The following FAF1 variants were observed in gnomAD, a reference collection of about 807,000 sequenced individuals.
FAF1 encodes Fas associated factor 1.
FAF1 carries 25 observed loss-of-function variants against 92.5 expected under a neutral mutation model. The observed-to-expected ratio is 0.27, with a 90% confidence interval of 0.20 to 0.38. The LOEUF (loss-of-function observed/expected upper bound fraction) is 0.38. Among genes scored for constraint, FAF1 ranks in the 10% least tolerant of loss-of-function variants. The pLI, the probability that FAF1 is intolerant of heterozygous loss-of-function variation, is 1.00. For synonymous variants in FAF1, 234 were observed against 273.2 expected, an observed-to-expected ratio of 0.86 and a Z score of 1.42; for missense variants, 636 against 793.3, an observed-to-expected ratio of 0.80 and a Z score of 2.38.
intron 12 of FAF1, among the ~76,000 whole-genome samples, chr1:50,568,192 C>T (rs1410166324): frequency 6.6e-6 from 1 of 151,956 alleles, no homozygotes; most frequent in East Asian, 1.9e-4. Context: ...CTCACAATTA[C>T]CAGGGAAAGG....
At chr1:50,786,928 T>A (rs1039752076) in intron 4 of FAF1, among the ~76,000 whole-genome samples, 16 of 152,230 alleles carry the variant, frequency 1.1e-4, no homozygotes, top group Non-Finnish European at 1.3e-4. Flanking sequence ...GGGAATGAAC[T>A]GTTAAGAGTT....
intron 2 of FAF1, among the ~76,000 whole-genome samples, chr1:50,850,797 A>T (rs887238235): frequency 2.6e-5 from 4 of 152,110 alleles, no homozygotes; most frequent in South Asian, 4.1e-4. Context: ...GCAAATTTTT[A>T]AAAAACTGAC....
Position 50,587,059 on chromosome 1 carries a change from C to T in FAF1, c.841-2248G>A, listed in dbSNP as rs1651270033. Reference sequence around the variant, plus strand: ...CTCCTTTGAGGCATCAGGTTAAGAACAAGGGGTGGGAGACACAGGGGAGAA... The same window carrying T: ...CTCCTTTGAGGCATCAGGTTAAGAATAAGGGGTGGGAGACACAGGGGAGAA... On this transcript the variant is annotated intron_variant, in intron 9 of 18. Coordinates refer to ENST00000396153, the MANE Select transcript of FAF1 (RefSeq NM_007051.3). Among the ~76,000 whole-genome samples the T allele has an allele frequency of 1.3e-5, 2 of 152,136 alleles. 1 individual carries two copies. The highest frequency in any genetic ancestry group is 4.8e-5 in the African/African-American group (2 of 41,426).
Position 50,619,508 on chromosome 1 carries a change from G to A in FAF1, c.745-23292C>T, listed in dbSNP as rs567680562. 3.3e-5 allele frequency among the ~76,000 whole-genome samples: 5 copies of A among 152,276 alleles called. No individual in the cohort carries two copies. In the South Asian group the frequency reaches 1.0e-3, roughly 32 times the overall value. ...TCACTTATAAAGCTTAGTTTGCTGG[G>A]ATATGAAATTCTTGGTTGAAATTTA... is the stretch of plus-strand genomic sequence containing the variant. On this transcript the variant is annotated intron_variant, in intron 8 of 18. Coordinates refer to ENST00000396153, the MANE Select transcript of FAF1 (RefSeq NM_007051.3).
At chr1:50,737,381 A>G (rs980923362) in intron 6 of FAF1, among the ~76,000 whole-genome samples, 2 of 152,182 alleles carry the variant, frequency 1.3e-5, no homozygotes, top group African/African-American at 4.8e-5. Context: ...ATAAACAATG[A>G]CATCTCCTGT....
intron 18 of FAF1, among the ~76,000 whole-genome samples, chr1:50,448,937 CT>C (rs61654181): frequency 0.41 from 51,429 of 124,358 alleles, 9,146 homozygotes; most frequent in African/African-American, 0.51. Flanking sequence ...AGGGTCACAG[CT>C]TTTTTTTTTT....
At chr1:50,785,894 G>A (rs1221333909) in intron 4 of FAF1, among the ~76,000 whole-genome samples, 1 of 152,158 alleles carries the variant, frequency 6.6e-6, no homozygotes, top group African/African-American at 2.4e-5. Flanking sequence ...TTGGGAGTCT[G>A]AGGCAGGAGG....
intron 7 of FAF1, among the ~76,000 whole-genome samples, chr1:50,688,297 T>TA (rs138414307): frequency 0.013 from 2,008 of 152,212 alleles, 40 homozygotes; most frequent in African/African-American, 0.047. Context: ...CTCAAAAACT[T>TA]AAACACAGAA....
rs199635828 is a variant in FAF1, at chr1:50,782,540, TTTTTTA to T, written c.367+5454_367+5459del. 7.8e-3 allele frequency among the ~76,000 whole-genome samples: 1,190 copies of T among 152,066 alleles called. 19 individuals carry two copies. The highest frequency in any genetic ancestry group is 0.027 in the African/African-American group (1,127 of 41,492). ...AAGGTGTTATAAAAATGTCAAAAAA[TTTTTTA>T]TTTTTATTTTTTAAAGTAGAGACAA... On this transcript the variant is annotated intron_variant, in intron 4 of 18. Transcript: ENST00000396153.
At chr1:50,906,270 T>C (rs950583865) in intron 1 of FAF1, among the ~76,000 whole-genome samples, 1 of 152,230 alleles carries the variant, frequency 6.6e-6, no homozygotes, top group South Asian at 2.1e-4. Flanking sequence ...CATGCTGTTT[T>C]GGTTATTGTA....
chr1:50,507,794 C>T (rs1409196808), intron 15 of FAF1, among the ~76,000 whole-genome samples: 1 of 151,976 alleles, frequency 6.6e-6, no homozygotes, highest in East Asian at 1.9e-4. Context: ...AAAAATTTTC[C>T]CCAGGTTATG....
At chr1:50,826,495 A>G (rs890390870) in intron 2 of FAF1, among the ~76,000 whole-genome samples, 4 of 151,692 alleles carry the variant, frequency 2.6e-5, no homozygotes, top group African/African-American at 7.3e-5. Context: ...GATTGCAGTG[A>G]GCTAAGATCG....
chr1:50,952,957 G>T (rs1013456785), intron 1 of FAF1, among the ~76,000 whole-genome samples: 8 of 152,250 alleles, frequency 5.3e-5, no homozygotes, highest in African/African-American at 1.9e-4. Context: ...TAGAAAAGGG[G>T]GAAATGTGGG....
chr1:50,558,928 A>T (rs1448114634), intron 13 of FAF1, among the ~76,000 whole-genome samples: 1 of 152,208 alleles, frequency 6.6e-6, no homozygotes, highest in South Asian at 2.1e-4. Flanking sequence ...TGGTAATTTT[A>T]AATTATCTCA....
At chr1:50,959,307 C>T (rs1012240437) in intron 1 of FAF1, among the ~76,000 whole-genome samples, 6 of 152,218 alleles carry the variant, frequency 3.9e-5, no homozygotes, top group Admixed American at 3.3e-4. Context: ...TCATTGCCCT[C>T]GCCATCTCAT....
chr1:50,583,923 C>T lies in FAF1; in HGVS notation c.968-208G>A, dbSNP rs1036283020. ...CTCATCAAACCAGAATCAAAAAGAA[C>T]CTTAAAATATTCCAAGCTCATAAAT... On this transcript the variant is annotated intron_variant, in intron 10 of 18. Transcript: ENST00000396153. This position sits in a 1 kb window ranked among gnomAD's most constrained non-coding sequence, Gnocchi z 4.2. 5.9e-5 allele frequency among the ~76,000 whole-genome samples: 9 copies of T among 151,968 alleles called. No homozygotes were observed. Among genetic ancestry groups the T allele is most frequent in the Non-Finnish European group, 1.0e-4 (7 of 67,880 alleles).
intron 2 of FAF1, among the ~76,000 whole-genome samples, chr1:50,831,750 C>T (rs368781425): frequency 7.3e-6 from 1 of 136,312 alleles, no homozygotes; most frequent in South Asian, 2.4e-4. Context: ...ATTGGGATTA[C>T]ATAATGTTGG....
intron 8 of FAF1, among the ~76,000 whole-genome samples, chr1:50,620,172 G>A (rs531443009): frequency 6.6e-6 from 1 of 152,300 alleles, no homozygotes; most frequent in East Asian, 1.9e-4. Context: ...CTCCCAAAAT[G>A]CTGGGATTAT....
At chr1:50,787,867 T>C (rs1468081006) in intron 4 of FAF1, 133 bp downstream of exon 4, 2 of 669,344 alleles carry the variant, frequency 3.0e-6, no homozygotes, top group Admixed American at 2.7e-5. Flanking sequence ...ATAATCAGTA[T>C]TGGAAAGTTA....
Sources: allele counts gnomAD v4.1 joint callset (sites outside exome capture counted in the v4.1 genomes callset), GRCh38; gene constraint gnomAD v4.1.1; non-coding constraint Gnocchi (gnomAD v3.1); transcripts MANE v1.5; gene names NCBI Gene and HGNC (gene_info 2026-07-23, HGNC 2026-07-21).